SGCZ: variants seen among roughly 807,000 people sequenced by gnomAD.
SGCZ encodes zeta-sarcoglycan.
A neutral mutation model predicts 41.3 loss-of-function variants in SGCZ; 40 were observed. The observed-to-expected ratio is 0.97, with a 90% confidence interval of 0.75 to 1.26. SGCZ has a LOEUF of 1.26. Among genes scored for constraint, SGCZ ranks in the 50% most tolerant of loss-of-function variants. SGCZ has a pLI of 0.00. For missense variants in SGCZ, 552 were observed against 369.8 expected (o/e 1.49, Z -4.04); for synonymous variants, 206 against 137.5 (o/e 1.50, Z -3.49).
At chr8:14,830,311 T>C (rs1030562052) in intron 1 of SGCZ, among the ~76,000 whole-genome samples, 9 of 152,186 alleles carry the variant, frequency 5.9e-5, no homozygotes, top group African/African-American at 2.2e-4. Context: ...ATGTAACTTA[T>C]ATTTCCAAGC....
At chr8:14,361,949 AG>A (rs1300559821) in intron 2 of SGCZ, among the ~76,000 whole-genome samples, 1 of 152,160 alleles carries the variant, frequency 6.6e-6, no homozygotes, top group Non-Finnish European at 1.5e-5. Flanking sequence ...CCTCAGCTGC[AG>A]GTCTGCTGGA....
At chr8:14,585,979 C>A (rs1805044503) in intron 1 of SGCZ, among the ~76,000 whole-genome samples, 1 of 151,794 alleles carries the variant, frequency 6.6e-6, no homozygotes, top group Non-Finnish European at 1.5e-5. Flanking sequence ...GGCATTATAT[C>A]TCCAAAAGCA....
intron 2 of SGCZ, among the ~76,000 whole-genome samples, chr8:14,551,738 G>T (rs1008407598): frequency 1.9e-5 from 2 of 105,208 alleles, no homozygotes; most frequent in Non-Finnish European, 4.1e-5. Context: ...GTAATATAAA[G>T]TCATTTCCTT....
At chr8:14,661,047 T>C (rs1021447260) in intron 1 of SGCZ, among the ~76,000 whole-genome samples, 19 of 152,316 alleles carry the variant, frequency 1.2e-4, no homozygotes, top group African/African-American at 4.1e-4. Flanking sequence ...CCAGAATCCC[T>C]CTGCCCAAAA....
intron 3 of SGCZ, chr8:14,309,044 C>T (rs1801438257): frequency 7.6e-7 from 1 of 1,321,746 alleles, no homozygotes; most frequent in Non-Finnish European, 1.1e-6. Context: ...GGAAGCCTCC[C>T]CTACTCTTAA....
At chr8:14,419,283 C>G (rs1018182455) in intron 2 of SGCZ, among the ~76,000 whole-genome samples, 1 of 151,936 alleles carries the variant, frequency 6.6e-6, no homozygotes, top group African/African-American at 2.4e-5. Context: ...AATGTCCTAA[C>G]AGCTAGATAA....
intron 1 of SGCZ, among the ~76,000 whole-genome samples, chr8:15,032,168 C>T (rs941552285): frequency 2.0e-5 from 3 of 152,088 alleles, no homozygotes; most frequent in African/African-American, 7.2e-5. Flanking sequence ...TGGACTAGGA[C>T]ATTCAAGCGC....
At chr8:14,483,562 C>T (rs537534327) in intron 2 of SGCZ, among the ~76,000 whole-genome samples, 2 of 152,230 alleles carry the variant, frequency 1.3e-5, no homozygotes, top group South Asian at 4.1e-4. Flanking sequence ...CAGAGTGACA[C>T]CCTGTCTCAG....
intron 2 of SGCZ, among the ~76,000 whole-genome samples, chr8:14,377,971 A>G (rs1804198952): frequency 6.7e-6 from 1 of 150,110 alleles, no homozygotes; most frequent in Admixed American, 6.6e-5. Flanking sequence ...GCTATTGTGA[A>G]TAGTGCCGCA....
intron 1 of SGCZ, among the ~76,000 whole-genome samples, chr8:14,925,303 T>C (rs1799712662): frequency 6.6e-6 from 1 of 152,246 alleles, no homozygotes; most frequent in Non-Finnish European, 1.5e-5. Context: ...CTAATTCACA[T>C]AGCATTTCTT....
chr8:14,945,295 T>C (rs1800405204), intron 1 of SGCZ, among the ~76,000 whole-genome samples: 1 of 152,158 alleles, frequency 6.6e-6, no homozygotes, highest in African/African-American at 2.4e-5. Flanking sequence ...TGCATTATGA[T>C]CTTCCCATTT....
chr8:14,699,495 A>C (rs1809068178), intron 1 of SGCZ, among the ~76,000 whole-genome samples: 1 of 151,900 alleles, frequency 6.6e-6, no homozygotes, highest in African/African-American at 2.4e-5. Flanking sequence ...TAAATTTAAG[A>C]CCTAAAACTA....
At chr8:14,790,895 G>C (rs1800928693) in intron 1 of SGCZ, among the ~76,000 whole-genome samples, 1 of 151,866 alleles carries the variant, frequency 6.6e-6, no homozygotes, top group Admixed American at 6.6e-5. Context: ...GCGCAGGGTG[G>C]TGGTGCGCAT....
chr8:14,512,908 C>A (rs1002807149), intron 2 of SGCZ, among the ~76,000 whole-genome samples: 1 of 152,090 alleles, frequency 6.6e-6, no homozygotes, highest in Non-Finnish European at 1.5e-5. Context: ...CCAGCTACCT[C>A]CCCTGGGGAC....
chr8:15,080,973 A>C (rs1585542743), intron 1 of SGCZ, among the ~76,000 whole-genome samples: 2 of 152,046 alleles, frequency 1.3e-5, no homozygotes, highest in African/African-American at 4.8e-5. Context: ...CACAGGGAGG[A>C]GAAGGCGGCC....
At chr8:14,795,419 T>C (rs1585266603) in intron 1 of SGCZ, among the ~76,000 whole-genome samples, 2 of 130,466 alleles carry the variant, frequency 1.5e-5, no homozygotes, top group African/African-American at 2.5e-5. Flanking sequence ...AATATATTCA[T>C]ACTTTGGGGT....
intron 1 of SGCZ, among the ~76,000 whole-genome samples, chr8:14,722,150 A>G (rs1340507541): frequency 1.3e-5 from 2 of 152,152 alleles, no homozygotes; most frequent in African/African-American, 4.8e-5. Context: ...CTAGTAGTAT[A>G]AAATGCATTT....
At chr8:14,648,310 A>G (rs75517618) in intron 1 of SGCZ, among the ~76,000 whole-genome samples, 4,756 of 152,216 alleles carry the variant, frequency 0.031, 128 homozygotes, top group Middle Eastern at 0.078. Context: ...CAAATGTTTC[A>G]TTCTGTAGCT....
intron 1 of SGCZ, among the ~76,000 whole-genome samples, chr8:14,802,935 T>C (rs1436359993): frequency 6.6e-6 from 1 of 152,180 alleles, no homozygotes; most frequent in African/African-American, 2.4e-5. Context: ...CAGGACCTTA[T>C]AAAACTCCTC....
Sources: allele counts gnomAD v4.1 joint callset (sites outside exome capture counted in the v4.1 genomes callset), GRCh38; gene constraint gnomAD v4.1.1; transcripts MANE v1.5; gene names NCBI Gene and HGNC (gene_info 2026-07-23, HGNC 2026-07-21).